NRCAM: variants seen among roughly 807,000 people sequenced by gnomAD.
NRCAM encodes the protein NgCAM-related cell adhesion molecule.
A neutral mutation model predicts 156.5 loss-of-function variants in NRCAM; 83 were observed. The observed-to-expected ratio is 0.53, with a 90% confidence interval of 0.44 to 0.64. The LOEUF is 0.64. Ranked by LOEUF, NRCAM falls within the 30% of genes least tolerant of loss-of-function variation. The pLI, the probability that NRCAM is intolerant of heterozygous loss-of-function variation, is 0.00. For missense variants in NRCAM, 1,417 were observed against 1,597.3 expected (o/e 0.89, Z 1.92); for synonymous variants, 538 against 563.9 (o/e 0.95, Z 0.65).
chr7:108,359,978 T>G (rs2099537768), intron 2 of NRCAM, among the ~76,000 whole-genome samples: 1 of 152,212 alleles, frequency 6.6e-6, no homozygotes, highest in Non-Finnish European at 1.5e-5. Flanking sequence ...TGCTCTTGTT[T>G]CTAGCTGCTT....
Position 108,168,400 on chromosome 7 carries a change from GAACTA to G in NRCAM, c.3188-3_3189del. On this transcript the variant is annotated splice_acceptor_variant and splice_polypyrimidine_tract_variant and coding_sequence_variant and intron_variant, in exon 29 of 33. Coordinates refer to ENST00000379028, the MANE Select transcript of NRCAM (RefSeq NM_001037132.4). LOFTEE classifies it high-confidence loss of function. Reference sequence around the variant, plus strand: ...TTGCTGATCCTGGGATTTACTGCTTGAACTAAACATACAATAGAAAAATAAAACAA... The same window carrying G: ...TTGCTGATCCTGGGATTTACTGCTTGAACATACAATAGAAAAATAAAACAA... The G allele has an allele frequency of 6.3e-7, 1 of 1,596,558 alleles. No homozygotes were observed. Among genetic ancestry groups the G allele is most frequent in the Non-Finnish European group, 8.5e-7 (1 of 1,174,214 alleles).
At position 108,240,095 on chromosome 7, in the gene NRCAM, G is replaced by C. The variant is rs755672467; in HGVS notation, c.-31C>G. The C allele has an allele frequency of 1.4e-6, 2 of 1,457,334 alleles. No homozygotes were observed. The highest frequency in any genetic ancestry group is 1.9e-6 in the Non-Finnish European group (2 of 1,047,034). 90.3% of individuals were successfully genotyped at this position (1,457,334 alleles called of 1,614,324 possible). A position where few individuals can be genotyped will look rare whatever the true frequency, so the allele number is the denominator to read the frequency against. ...TAACTCCTGCTGAGACTCACACACT[G>C]AATTTCCTTTTCTTCTTTCACAAAA... On this transcript the variant is annotated 5_prime_UTR_variant, in exon 4 of 33. Transcript: ENST00000379028.
intron 1 of NRCAM, among the ~76,000 whole-genome samples, chr7:108,402,897 T>C (rs1294272268): frequency 6.6e-6 from 1 of 152,214 alleles, no homozygotes; most frequent in Admixed American, 6.5e-5. Flanking sequence ...ATTTAGTTGA[T>C]GTTGGGAGTC....
intron 2 of NRCAM, among the ~76,000 whole-genome samples, chr7:108,359,359 C>A (rs1375176408): frequency 1.3e-5 from 2 of 152,106 alleles, no homozygotes; most frequent in Admixed American, 6.5e-5. Flanking sequence ...AGTCAAGAGT[C>A]CCATAAAAGA....
intron 2 of NRCAM, among the ~76,000 whole-genome samples, chr7:108,374,301 C>A (rs746088272): frequency 6.6e-6 from 1 of 152,060 alleles, no homozygotes; most frequent in African/African-American, 2.4e-5. Context: ...TGATGAGGAA[C>A]AACTGATAAC....
intron 11 of NRCAM, among the ~76,000 whole-genome samples, chr7:108,212,589 G>C (rs1332903597): frequency 1.3e-5 from 2 of 152,108 alleles, no homozygotes; most frequent in Non-Finnish European, 2.9e-5. Flanking sequence ...CACACTTATA[G>C]AAATGCAAAA....
At chr7:108,257,554 A>C (rs2096731741) in intron 3 of NRCAM, among the ~76,000 whole-genome samples, 2 of 152,208 alleles carry the variant, frequency 1.3e-5, no homozygotes, top group Non-Finnish European at 1.5e-5. Context: ...ATATTAGCAT[A>C]TGAATCTAAA....
At chr7:108,301,743 A>C (rs939822922) in intron 3 of NRCAM, among the ~76,000 whole-genome samples, 5 of 152,200 alleles carry the variant, frequency 3.3e-5, no homozygotes, top group African/African-American at 1.2e-4. Context: ...TTTGATTAAA[A>C]AATATCTAGG....
intron 32 of NRCAM, among the ~76,000 whole-genome samples, chr7:108,153,377 A>G (rs998073584): frequency 1.3e-5 from 2 of 152,174 alleles, no homozygotes; most frequent in Admixed American, 1.3e-4. Flanking sequence ...AAAGAGGTAT[A>G]TGAAAAAACT....
intron 13 of NRCAM, among the ~76,000 whole-genome samples, chr7:108,206,604 G>A (rs984534435): frequency 1.3e-5 from 2 of 152,160 alleles, no homozygotes; most frequent in Non-Finnish European, 2.9e-5. Context: ...GGTGGTGGGT[G>A]GGGTAGAGGA....
chr7:108,197,733 C>T (rs1384993854), intron 14 of NRCAM, among the ~76,000 whole-genome samples: 1 of 152,160 alleles, frequency 6.6e-6, no homozygotes, highest in African/African-American at 2.4e-5. Flanking sequence ...GCTTATTTGA[C>T]TAGTTCTACA....
At chr7:108,438,862 A>G (rs958073330) in intron 1 of NRCAM, among the ~76,000 whole-genome samples, 1 of 152,226 alleles carries the variant, frequency 6.6e-6, no homozygotes, top group African/African-American at 2.4e-5. Context: ...TATGAAGGAA[A>G]TAATTCCATC....
chr7:108,183,725 C>T (rs949871346), intron 22 of NRCAM, among the ~76,000 whole-genome samples: 7 of 151,962 alleles, frequency 4.6e-5, no homozygotes, highest in Admixed American at 6.6e-5. Flanking sequence ...TTAGTAGAGA[C>T]GGGGTTTCAC....
chr7:108,294,511 T>A (rs548714305), intron 3 of NRCAM, among the ~76,000 whole-genome samples: 2 of 152,328 alleles, frequency 1.3e-5, no homozygotes, highest in South Asian at 4.1e-4. Context: ...AAAAGGGATA[T>A]AAAGCAAATG....
intron 2 of NRCAM, among the ~76,000 whole-genome samples, chr7:108,372,453 T>C (rs1255290216): frequency 6.6e-6 from 1 of 152,134 alleles, no homozygotes; most frequent in Non-Finnish European, 1.5e-5. Context: ...CTGCAAACCA[T>C]TTGCCCGATA....
chr7:108,184,247 C>A lies in NRCAM; in HGVS notation c.2298G>T (p.Thr766=), dbSNP rs759549444. The A allele has an allele frequency of 8.1e-6, 13 of 1,613,668 alleles. No individual in the cohort carries two copies. The highest frequency in any genetic ancestry group is 1.7e-5 in the Admixed American group (1 of 60,014). Residue 766 remains threonine, a synonymous_variant, in exon 22 of 33, where the codon ACG becomes ACT. Coordinates refer to ENST00000379028, the MANE Select transcript of NRCAM (RefSeq NM_001037132.4). Reference sequence around the variant, plus strand: ...TGAAGGCATCATAGCTCACCTTCCACGTAATCACCAAATTATCAGGCTCTG... The same window carrying A: ...TGAAGGCATCATAGCTCACCTTCCAAGTAATCACCAAATTATCAGGCTCTG... ...LGSEPDNLVI[T]WKPLNGFESN...
chr7:108,365,757 A>G (rs916552324), intron 2 of NRCAM, among the ~76,000 whole-genome samples: 4 of 152,220 alleles, frequency 2.6e-5, no homozygotes, highest in African/African-American at 9.6e-5. Flanking sequence ...AAATTTAAAT[A>G]CTTTTCCAAT....
chr7:108,159,394 C>A, intron 32 of NRCAM, 69 bp downstream of exon 32: 1 of 1,350,254 alleles, frequency 7.4e-7, no homozygotes, highest in Non-Finnish European at 1.1e-6. Context: ...CATATTCTGG[C>A]TGAGTTCTAT....
chr7:108,160,338 C>A lies in NRCAM; in HGVS notation c.3598+23G>T, dbSNP rs773410198. ...TGGATTATTATGTAGCATTATAAAG[C>A]AATTTTAATCTTTCTTTCTTACCTG... is the stretch of plus-strand genomic sequence containing the variant. On this transcript the variant is annotated intron_variant, in intron 31 of 32. Coordinates refer to ENST00000379028, the MANE Select transcript of NRCAM (RefSeq NM_001037132.4). 1.3e-5 allele frequency: 21 copies of A among 1,603,416 alleles called. 1 individual carries two copies. The South Asian group carries it at 2.2e-4, about 17-fold the overall frequency.
Sources: gnomAD v4.1 joint callset for allele counts (sites outside exome capture counted in the v4.1 genomes callset) on GRCh38, gnomAD v4.1.1 for gene constraint, MANE v1.5 for transcripts, NCBI Gene and HGNC (gene_info 2026-07-23, HGNC 2026-07-21) for gene names.